Variants in PRKCA observed in about 807,000 individuals in gnomAD.
PRKCA encodes the protein protein kinase C alpha.
Under a neutral mutation model 87.0 loss-of-function variants are expected in PRKCA, and 27 were observed. The observed-to-expected ratio is 0.31, with a 90% CI of 0.23 to 0.43. The LOEUF is 0.43. Ranked by LOEUF, PRKCA falls within the 20% of genes least tolerant of loss-of-function variation. The pLI is 1.00. For synonymous variants in PRKCA, 329 were observed against 311.1 expected, an observed-to-expected ratio of 1.06 and a Z score of -0.61; for missense variants, 518 against 852.3, an observed-to-expected ratio of 0.61 and a Z score of 4.88.
intron 3 of PRKCA, among the ~76,000 whole-genome samples, chr17:66,603,999 G>A (rs547751330): frequency 1.3e-5 from 2 of 152,236 alleles, no homozygotes; most frequent in South Asian, 4.1e-4. Context: ...ACCGCCCTTT[G>A]TCGATTCACT....
intron 2 of PRKCA, among the ~76,000 whole-genome samples, chr17:66,412,277 G>A (rs937929789): frequency 2.6e-5 from 4 of 152,016 alleles, no homozygotes. Context: ...GGCTGGTTTC[G>A]AACTCCTGAG....
At chr17:66,448,771 A>G (rs1914161399) in intron 2 of PRKCA, among the ~76,000 whole-genome samples, 1 of 152,048 alleles carries the variant, frequency 6.6e-6, no homozygotes, top group African/African-American at 2.4e-5. Flanking sequence ...ATGCTCATTC[A>G]GTTTTACCCC....
intron 13 of PRKCA, among the ~76,000 whole-genome samples, chr17:66,750,069 A>C (rs1290202224): frequency 6.6e-6 from 1 of 152,200 alleles, no homozygotes; most frequent in African/African-American, 2.4e-5. Flanking sequence ...AAAATAACTC[A>C]TGTGGTATAT....
At chr17:66,357,538 A>G (rs1354821836) in intron 2 of PRKCA, among the ~76,000 whole-genome samples, 1 of 152,248 alleles carries the variant, frequency 6.6e-6, no homozygotes, top group Non-Finnish European at 1.5e-5. Flanking sequence ...AAGATGGTAT[A>G]GCAGTAGGGG....
intron 3 of PRKCA, among the ~76,000 whole-genome samples, chr17:66,551,618 T>A (rs1372101285): frequency 6.6e-6 from 1 of 152,134 alleles, no homozygotes; most frequent in Admixed American, 6.5e-5. Context: ...TTGAAGTGAG[T>A]CACTAGGTCC....
At chr17:66,466,076 T>C (rs575371961) in intron 2 of PRKCA, among the ~76,000 whole-genome samples, 1 of 152,290 alleles carries the variant, frequency 6.6e-6, no homozygotes, top group Non-Finnish European at 1.5e-5. Flanking sequence ...GCATTTTACA[T>C]CCAAGTGCAC....
intron 3 of PRKCA, among the ~76,000 whole-genome samples, chr17:66,562,046 A>ATATATATAATTAAATATATATAATTAAAT (rs1968697597): frequency 7.7e-6 from 1 of 129,164 alleles, no homozygotes; most frequent in Non-Finnish European, 1.7e-5. Flanking sequence ...CAATTTAATT[A>ATATATATAATTAAATATATATAATTAAAT]TATATATAAT....
chr17:66,503,668 T>C (rs1309266666), intron 3 of PRKCA, among the ~76,000 whole-genome samples: 1 of 152,234 alleles, frequency 6.6e-6, no homozygotes, highest in East Asian at 1.9e-4. Context: ...TTCTTTTCTT[T>C]ACTACAATCT....
chr17:66,731,074 G>A (rs1568000820), intron 8 of PRKCA, among the ~76,000 whole-genome samples: 2 of 152,190 alleles, frequency 1.3e-5, no homozygotes, highest in Admixed American at 6.5e-5. Context: ...AGAATGGGCA[G>A]GCGTGGTGGC....
chr17:66,695,456 C>T (rs1236310985), intron 8 of PRKCA, among the ~76,000 whole-genome samples: 5 of 152,244 alleles, frequency 3.3e-5, no homozygotes. Context: ...TGCTTATCTA[C>T]TCCATGTGCT....
At chr17:66,669,099 CT>C (rs1225186913) in intron 5 of PRKCA, among the ~76,000 whole-genome samples, 42 of 121,278 alleles carry the variant, frequency 3.5e-4, no homozygotes, top group African/African-American at 1.2e-3. Flanking sequence ...GAGACCCTCT[CT>C]TTAAAAAAAA....
At chr17:66,559,600 G>A (rs1360621698) in intron 3 of PRKCA, among the ~76,000 whole-genome samples, 1 of 151,086 alleles carries the variant, frequency 6.6e-6, no homozygotes, top group Non-Finnish European at 1.5e-5. Flanking sequence ...GAGTGACAGA[G>A]AGAAACTGTC....
At chr17:66,664,277 C>T (rs1489282845) in intron 5 of PRKCA, among the ~76,000 whole-genome samples, 1 of 152,166 alleles carries the variant, frequency 6.6e-6, no homozygotes, top group African/African-American at 2.4e-5. Flanking sequence ...GAGGCCCACT[C>T]AGCGAAGCCC....
Position 66,448,160 on chromosome 17 carries a change from G to A in PRKCA, c.206-48041G>A, listed in dbSNP as rs143701187. On this transcript the variant is annotated intron_variant, in intron 2 of 16. Coordinates refer to ENST00000413366, the MANE Select transcript of PRKCA (RefSeq NM_002737.3). The stretch of plus-strand genomic sequence containing the variant: ...TCTGTGTATTCTGTGCCCTTTTTCC[G>A]CTAACAAGTTGATATCGTGCTGTTA... 4.8e-3 allele frequency among the ~76,000 whole-genome samples: 729 copies of A among 152,172 alleles called. 10 individuals carry two copies. The highest frequency in any genetic ancestry group is 0.015 in the African/African-American group (619 of 41,508).
chr17:66,310,292 A>C (rs139883207), intron 2 of PRKCA, among the ~76,000 whole-genome samples: 4 of 151,960 alleles, frequency 2.6e-5, no homozygotes, highest in African/African-American at 9.7e-5. Flanking sequence ...TGAGGTGAAG[A>C]TACTCAAGAG....
intron 2 of PRKCA, among the ~76,000 whole-genome samples, chr17:66,469,783 A>G (rs1337267650): frequency 3.3e-5 from 5 of 152,228 alleles, no homozygotes; most frequent in Non-Finnish European, 7.3e-5. Context: ...TAAGTCTCCC[A>G]GCCCCTAAGT....
At chr17:66,783,544 C>T (rs916941797) in intron 14 of PRKCA, among the ~76,000 whole-genome samples, 1 of 152,206 alleles carries the variant, frequency 6.6e-6, no homozygotes, top group Admixed American at 6.5e-5. Flanking sequence ...GGGGACAGCT[C>T]ACCTGGCAAA....
chr17:66,638,707 G>A (rs1422120246), intron 3 of PRKCA, among the ~76,000 whole-genome samples: 2 of 152,206 alleles, frequency 1.3e-5, no homozygotes, highest in East Asian at 1.9e-4. Context: ...AATTAGCCAG[G>A]CGTGGTAGTG....
At chr17:66,476,229 G>A (rs1187376564) in intron 2 of PRKCA, among the ~76,000 whole-genome samples, 1 of 152,118 alleles carries the variant, frequency 6.6e-6, no homozygotes, top group African/African-American at 2.4e-5. Flanking sequence ...ACTGGAAGGG[G>A]CTCTGGTTTC....
Sources: gnomAD v4.1 joint callset for allele counts (sites outside exome capture counted in the v4.1 genomes callset) on GRCh38, gnomAD v4.1.1 for gene constraint, MANE v1.5 for transcripts, NCBI Gene and HGNC (gene_info 2026-07-23, HGNC 2026-07-21) for gene names.